Variants in NALCN observed in about 807,000 individuals in gnomAD.
The protein encoded by NALCN is sodium leak channel, non-selective, also known as sodium leak channel NALCN.
In NALCN, 111 loss-of-function variants were observed where a neutral mutation model predicts 225.3. That is an observed-to-expected ratio of 0.49 (90% CI 0.42 to 0.58). NALCN has a LOEUF of 0.58. Among genes scored for constraint, NALCN ranks in the 20% least tolerant of loss-of-function variants. NALCN has a pLI of 0.00. For synonymous variants in NALCN, 764 were observed against 769.0 expected, an observed-to-expected ratio of 0.99 and a Z score of 0.11; for missense variants, 1,378 against 2,202.4, an observed-to-expected ratio of 0.63 and a Z score of 7.49.
At chr13:101,156,159 A>G (rs564057660) in intron 15 of NALCN, among the ~76,000 whole-genome samples, 2 of 148,480 alleles carry the variant, frequency 1.3e-5, no homozygotes, top group African/African-American at 2.4e-5. Context: ...GTCTTCAGAC[A>G]TACTTCTATC....
chr13:101,271,773 G>A lies in NALCN; in HGVS notation c.1134+12160C>T, dbSNP rs916309313. On this transcript the variant is annotated intron_variant, in intron 10 of 43. Coordinates refer to ENST00000251127, the MANE Select transcript of NALCN (RefSeq NM_052867.4). ...GCGTGAGGTGTGTGTGTGTATAAGCGTGTGTATGCATGTCTGTGTGCATGC... is the reference window on the plus strand; with the variant it reads ...GCGTGAGGTGTGTGTGTGTATAAGCATGTGTATGCATGTCTGTGTGCATGC... Among the ~76,000 whole-genome samples the A allele has an allele frequency of 1.3e-4, 20 of 151,806 alleles. No individual in the cohort carries two copies. In the South Asian group the frequency reaches 1.5e-3, roughly 11 times the overall value.
At chr13:101,341,602 T>C (rs555210702) in intron 7 of NALCN, among the ~76,000 whole-genome samples, 1 of 152,342 alleles carries the variant, frequency 6.6e-6, no homozygotes, top group African/African-American at 2.4e-5. Context: ...CATGATTTTT[T>C]TTCAGTTTTA....
intron 37 of NALCN, among the ~76,000 whole-genome samples, chr13:101,072,975 A>G (rs2033001021): frequency 1.3e-5 from 2 of 152,146 alleles, no homozygotes; most frequent in African/African-American, 4.8e-5. Context: ...GATAAAATAA[A>G]TGAATGTAAG....
At position 101,207,998 on chromosome 13, in the gene NALCN, A is replaced by G. The variant is rs140873700; in HGVS notation, c.1627-15944T>C. ...GAACAACTCCAGAGGCGCTGCCTTT[A>G]TGAGCTGTAACACTCACCACGAAGG... On this transcript the variant is annotated intron_variant, in intron 13 of 43. Coordinates refer to ENST00000251127, the MANE Select transcript of NALCN (RefSeq NM_052867.4). Among the ~76,000 whole-genome samples the G allele has an allele frequency of 4.6e-3, 706 of 151,858 alleles. 6 individuals are homozygous for G. Among genetic ancestry groups the G allele is most frequent in the African/African-American group, 0.017 (687 of 41,412 alleles).
intron 13 of NALCN, among the ~76,000 whole-genome samples, chr13:101,227,158 G>A (rs957643497): frequency 1.3e-5 from 2 of 152,066 alleles, no homozygotes; most frequent in Admixed American, 1.3e-4. Flanking sequence ...GGATCACCTC[G>A]ACACCTGTCA....
chr13:101,088,075 ATG>A (rs1342680945), intron 30 of NALCN, among the ~76,000 whole-genome samples: 1 of 152,052 alleles, frequency 6.6e-6, no homozygotes, highest in East Asian at 1.9e-4. Flanking sequence ...TCGTTAATGA[ATG>A]TGATAGGAGT....
intron 18 of NALCN, among the ~76,000 whole-genome samples, chr13:101,121,248 A>T (rs2035959720): frequency 6.6e-6 from 1 of 152,082 alleles, no homozygotes; most frequent in Admixed American, 6.6e-5. Context: ...TGGAATAGAC[A>T]AGAGAGCTGA....
In NALCN at chr13:101,176,384, G is replaced by T; in HGVS notation, c.1765-10C>A. The stretch of plus-strand genomic sequence containing the variant: ...ACAAACTCAGGAGGATCTATAAAAT[G>T]GTGAAATAACAATGAAAAAACCCAC... On this transcript the variant is annotated splice_polypyrimidine_tract_variant and intron_variant, in intron 14 of 43. Transcript: ENST00000251127. The T allele has an allele frequency of 6.3e-7, 1 of 1,580,138 alleles. No individual in the cohort carries two copies. Among genetic ancestry groups the T allele is most frequent in the South Asian group, 1.2e-5 (1 of 84,430 alleles).
chr13:101,344,002 C>T (rs552377764), intron 7 of NALCN, among the ~76,000 whole-genome samples: 7 of 152,152 alleles, frequency 4.6e-5, no homozygotes, highest in African/African-American at 1.7e-4. Context: ...ACACTCAGAC[C>T]CTAAAAGAAA....
chr13:101,387,374 G>C (rs12871005), intron 3 of NALCN, among the ~76,000 whole-genome samples: 1 of 151,214 alleles, frequency 6.6e-6, no homozygotes, highest in South Asian at 2.1e-4. Flanking sequence ...CTATTCCTTA[G>C]AAATATTTTA....
Position 101,176,317 on chromosome 13 carries a change from G to A in NALCN, c.1822C>T (p.Leu608=), listed in dbSNP as rs1247514514. The A allele has an allele frequency of 1.9e-6, 3 of 1,589,108 alleles. No homozygotes were observed. Among genetic ancestry groups the A allele is most frequent in the Non-Finnish European group, 2.6e-6 (3 of 1,170,602 alleles). Residue 608 remains leucine (L), a synonymous_variant, in exon 15 of 44, where the codon CTA becomes TTA. Transcript: ENST00000251127. ...ILDNLELDED[L]KKLKQLKQSE... ...CTACTTACTTGTTTAAGCTTCTTTA[G>A]GTCTTCATCAAGTTCTAAGTTGTCC...
intron 9 of NALCN, among the ~76,000 whole-genome samples, chr13:101,291,575 T>A (rs1322478409): frequency 6.6e-6 from 1 of 152,162 alleles, no homozygotes; most frequent in Non-Finnish European, 1.5e-5. Flanking sequence ...GGGGATAGGA[T>A]CTTGCTCTGT....
Position 101,144,909 on chromosome 13 carries a change from TG to T in NALCN, c.1840-14del. The T allele has an allele frequency of 6.3e-7, 1 of 1,594,246 alleles. No individual in the cohort carries two copies. The highest frequency in any genetic ancestry group is 8.5e-7 in the Non-Finnish European group (1 of 1,175,012). ...CACTTTGCTTTAACTAAAGAAAAAT[TG>T]GAAAGAAGAAAAAAAGGGGGAACCT... On this transcript the variant is annotated splice_polypyrimidine_tract_variant and intron_variant, in intron 15 of 43. Transcript: ENST00000251127.
chr13:101,236,759 T>C, intron 12 of NALCN, among the ~76,000 whole-genome samples: 1 of 102,294 alleles, frequency 9.8e-6, no homozygotes, highest in African/African-American at 3.7e-5. Context: ...CTCTGGGGCC[T>C]GTTGTGGGGT....
intron 3 of NALCN, among the ~76,000 whole-genome samples, chr13:101,379,273 G>A (rs2139428680): frequency 6.6e-6 from 1 of 152,260 alleles, no homozygotes; most frequent in African/African-American, 2.4e-5. Context: ...TGGTGGGAGT[G>A]TAAATTAGTT....
chr13:101,218,406 GA>G (rs1449450657), intron 13 of NALCN, among the ~76,000 whole-genome samples: 2 of 152,006 alleles, frequency 1.3e-5, no homozygotes, highest in African/African-American at 4.8e-5. Context: ...CAGCTCTAGG[GA>G]AAAAAATCTT....
intron 18 of NALCN, among the ~76,000 whole-genome samples, chr13:101,123,185 C>T (rs1157186325): frequency 1.3e-5 from 2 of 152,204 alleles, no homozygotes; most frequent in African/African-American, 4.8e-5. Flanking sequence ...TCTCTGGGAA[C>T]CCATTCACAC....
intron 13 of NALCN, among the ~76,000 whole-genome samples, chr13:101,197,497 G>C (rs760002673): frequency 6.6e-6 from 1 of 152,092 alleles, no homozygotes; most frequent in African/African-American, 2.4e-5. Context: ...TACCCCTCAA[G>C]TCCAAACCTA....
Position 101,271,398 on chromosome 13 carries a change from C to T in NALCN, c.1134+12535G>A, listed in dbSNP as rs1472573046. On this transcript the variant is annotated intron_variant, in intron 10 of 43. Coordinates refer to ENST00000251127, the MANE Select transcript of NALCN (RefSeq NM_052867.4). ...CCTCTCTGTTTAGTTTATTTGGCCA[C>T]TGACTTCAAAATTACAATAGGCCTT... Among the ~76,000 whole-genome samples, 6 of 152,176 alleles carry T rather than the reference C, an allele frequency of 3.9e-5. No homozygotes were observed. The South Asian group carries it at 1.2e-3, about 32-fold the overall frequency.
Sources: allele counts gnomAD v4.1 joint callset (sites outside exome capture counted in the v4.1 genomes callset), GRCh38; gene constraint gnomAD v4.1.1; transcripts MANE v1.5; gene names NCBI Gene and HGNC (gene_info 2026-07-23, HGNC 2026-07-21).